The following DNAH5 variants were observed in gnomAD, a reference collection of about 807,000 sequenced individuals.
The protein encoded by DNAH5 is axonemal beta dynein heavy chain 5.
Under a neutral mutation model 518.2 loss-of-function variants are expected in DNAH5, and 372 were observed. The ratio of observed to expected loss-of-function variants is 0.72; its 90% CI spans 0.66 to 0.78. The LOEUF (loss-of-function observed/expected upper bound fraction) is 0.78. DNAH5 is among the 30% of genes least tolerant of loss of function. The probability of loss-of-function intolerance (pLI) is 0.00; values close to 1 mark genes in which losing one functional copy is unlikely to be tolerated. For synonymous variants in DNAH5, 2,039 were observed against 2,025.9 expected (o/e 1.01, Z -0.17); for missense variants, 5,523 against 5,687.0 (o/e 0.97, Z 0.93).
At chr5:13,890,943 A>C (rs1773136679) in intron 17 of DNAH5, 33 bp downstream of exon 17, 11 of 1,613,400 alleles carry the variant, frequency 6.8e-6, no homozygotes, top group African/African-American at 1.3e-5. Flanking sequence ...ATCACCAAAA[A>C]CCTTAAACAA....
At chr5:13,927,880 C>A (rs534530905) in intron 3 of DNAH5, among the ~76,000 whole-genome samples, 4 of 152,324 alleles carry the variant, frequency 2.6e-5, no homozygotes, top group African/African-American at 7.2e-5. Flanking sequence ...TAAATACCAA[C>A]TGTAATCTGT....
intron 47 of DNAH5, among the ~76,000 whole-genome samples, 162 bp downstream of exon 47, chr5:13,807,429 C>G (rs769769604): frequency 1.3e-5 from 2 of 152,138 alleles, no homozygotes; most frequent in African/African-American, 4.8e-5. Context: ...ACTAGGGAAA[C>G]TATTGCAGTT....
At chr5:13,842,447 GAA>G (rs1765364362) in intron 32 of DNAH5, among the ~76,000 whole-genome samples, 5 of 97,340 alleles carry the variant, frequency 5.1e-5, no homozygotes, top group Admixed American at 1.0e-4. Flanking sequence ...AAGAAAGAAA[GAA>G]AGAAAGAAAG....
intron 47 of DNAH5, among the ~76,000 whole-genome samples, chr5:13,797,859 G>A (rs1422364065): frequency 6.6e-6 from 1 of 152,158 alleles, no homozygotes; most frequent in East Asian, 1.9e-4. Flanking sequence ...ATACACCATG[G>A]AATACTATGT....
chr5:13,825,908 C>T (rs1762835829), intron 38 of DNAH5, among the ~76,000 whole-genome samples: 1 of 152,180 alleles, frequency 6.6e-6, no homozygotes, highest in Non-Finnish European at 1.5e-5. Context: ...CTACAGTCTT[C>T]TGCTAAGGTA....
chr5:13,759,273 T>C lies in DNAH5; in HGVS notation c.10282-290A>G, dbSNP rs544867008. On this transcript the variant is annotated intron_variant, in intron 60 of 78. Coordinates refer to ENST00000265104, the MANE Select transcript of DNAH5 (RefSeq NM_001369.3). Reference sequence around the variant, plus strand: ...GAGGCAAAATCAAAATTATTGTTCATGTACTTATTTTAAAACTATTTAAAC... The same window carrying C: ...GAGGCAAAATCAAAATTATTGTTCACGTACTTATTTTAAAACTATTTAAAC... 3.3e-5 allele frequency among the ~76,000 whole-genome samples: 5 copies of C among 152,332 alleles called. 1 individual carries two copies. The South Asian group carries it at 6.2e-4, about 19-fold the overall frequency.
At chr5:13,798,267 G>C (rs1022385772) in intron 47 of DNAH5, among the ~76,000 whole-genome samples, 1 of 152,140 alleles carries the variant, frequency 6.6e-6, no homozygotes, top group Non-Finnish European at 1.5e-5. Context: ...GAGGATCTGA[G>C]GAGAGGACTC....
chr5:13,788,920 G>T lies in DNAH5; in HGVS notation c.8449-6C>A. The T allele has an allele frequency of 1.9e-6, 3 of 1,613,026 alleles. No individual in the cohort carries two copies. Among genetic ancestry groups the T allele is most frequent in the Admixed American group, 1.7e-5 (1 of 59,960 alleles). On this transcript the variant is annotated splice_region_variant and splice_polypyrimidine_tract_variant and intron_variant, in intron 50 of 78. Transcript: ENST00000265104. ...TTCCACAGCTTTAACAGATCCTGTTGAAAGTATAATTAAAATGTGTTAGTA... is the reference window on the plus strand; with the variant it reads ...TTCCACAGCTTTAACAGATCCTGTTTAAAGTATAATTAAAATGTGTTAGTA...
chr5:13,882,691 T>A (rs751758488), intron 21 of DNAH5, 37 bp downstream of exon 21: 5 of 1,502,086 alleles, frequency 3.3e-6, no homozygotes, highest in Non-Finnish European at 3.7e-6. Flanking sequence ...AATGTTGATT[T>A]ACAATGCCTC....
At chr5:13,713,124 T>TATATATATATATATATATACACAC (rs1554018603) in intron 75 of DNAH5, among the ~76,000 whole-genome samples, 15 of 146,556 alleles carry the variant, frequency 1.0e-4, no homozygotes, top group Admixed American at 6.9e-4. Flanking sequence ...TATATATATA[T>TATATATATATATATATATACACAC]ACACACACAC....
rs139142115 is a variant in DNAH5 at position 13,837,140 on chromosome 5, G to A, written c.5882+2216C>T. 1.3e-4 allele frequency among the ~76,000 whole-genome samples: 20 copies of A among 152,346 alleles called. 1 individual carries two copies. The East Asian group carries it at 2.1e-3, about 16-fold the overall frequency. ...CTGATTACAATCCCGTGAGACCCAC[G>A]TCAGACTTCTGATGGACAGAACTAC... On this transcript the variant is annotated intron_variant, in intron 35 of 78. Coordinates refer to ENST00000265104, the MANE Select transcript of DNAH5 (RefSeq NM_001369.3).
intron 28 of DNAH5, among the ~76,000 whole-genome samples, chr5:13,863,830 T>C (rs1210946833): frequency 6.6e-6 from 1 of 152,164 alleles, no homozygotes; most frequent in African/African-American, 2.4e-5. Context: ...GATAACATCA[T>C]GTAGGCCCAC....
intron 1 of DNAH5, among the ~76,000 whole-genome samples, chr5:13,987,325 G>A (rs149764028): frequency 6.6e-6 from 1 of 152,090 alleles, no homozygotes; most frequent in East Asian, 1.9e-4. Flanking sequence ...ACTGAATATA[G>A]TAGAGATGAA....
At chr5:14,011,000 T>TAA in intron 1 of DNAH5, among the ~76,000 whole-genome samples, 1 of 142,876 alleles carries the variant, frequency 7.0e-6, no homozygotes, top group African/African-American at 2.5e-5. Context: ...AATATTCACT[T>TAA]AAAAAAAAAA....
At chr5:13,757,862 T>C (rs900076522) in intron 61 of DNAH5, among the ~76,000 whole-genome samples, 1 of 152,202 alleles carries the variant, frequency 6.6e-6, no homozygotes, top group African/African-American at 2.4e-5. Context: ...GAAATGTTTA[T>C]CTAAACTCTT....
chr5:13,901,464 G>A lies in DNAH5; in HGVS notation c.1840C>T (p.Pro614Ser). Residue 614 changes from proline (P) to serine (S), a missense_variant, in exon 14 of 79, where the codon CCT becomes TCT. Physicochemically the swap from Pro to Ser is moderately conservative, Grantham distance 74. This residue lies in a region of DNAH5 where 5,121 missense variants were observed against 5,223.3 expected (regional missense o/e 0.98). Transcript: ENST00000265104. ...SKLYTKQKYD[P>S]PLARNQPPIA... ...GGAGGCTGGTTTCGAGCCAGAGGAG[G>A]ATCGTATTTCTGCTTTGTATACAGC... 6.2e-7 allele frequency: 1 copy of A among 1,613,964 alleles called. No individual in the cohort carries two copies. Among genetic ancestry groups the A allele is most frequent in the Non-Finnish European group, 8.5e-7 (1 of 1,180,002 alleles).
At chr5:13,863,487 C>A (rs755478097) in intron 28 of DNAH5, among the ~76,000 whole-genome samples, 1 of 152,098 alleles carries the variant, frequency 6.6e-6, no homozygotes, top group African/African-American at 2.4e-5. Context: ...TCAGCACCTT[C>A]ATCCACTTAG....
chr5:13,911,633 A>G, intron 11 of DNAH5, 140 bp from the exon 12 acceptor site: 1 of 710,378 alleles, frequency 1.4e-6, no homozygotes, highest in Non-Finnish European at 2.3e-6. Flanking sequence ...TTTTACTCAC[A>G]TTGTTTTGTG....
At chr5:13,740,014 T>A (rs552793020) in intron 65 of DNAH5, among the ~76,000 whole-genome samples, 12 of 152,252 alleles carry the variant, frequency 7.9e-5, no homozygotes, top group East Asian at 5.8e-4. Context: ...TGATCCTCCC[T>A]TCAAACATGC....
Sources: allele counts gnomAD v4.1 joint callset (sites outside exome capture counted in the v4.1 genomes callset), GRCh38; gene constraint gnomAD v4.1.1; regional missense constraint gnomAD v4.1.1; transcripts MANE v1.5; gene names NCBI Gene and HGNC (gene_info 2026-07-23, HGNC 2026-07-21).